The following L3MBTL4 variants were observed in gnomAD, a reference collection of about 807,000 sequenced individuals.
L3MBTL4 encodes L3MBTL histone methyl-lysine binding protein 4.
L3MBTL4 carries 70 observed loss-of-function variants against 84.5 expected under a neutral mutation model. That is an observed-to-expected ratio of 0.83 (90% CI 0.68 to 1.01). The LOEUF is 1.01. Among genes scored for constraint, L3MBTL4 ranks in the 50% least tolerant of loss-of-function variants. L3MBTL4 has a pLI of 0.00. For synonymous variants in L3MBTL4, 274 were observed against 259.8 expected, an observed-to-expected ratio of 1.05 and a Z score of -0.52; for missense variants, 715 against 754.8, an observed-to-expected ratio of 0.95 and a Z score of 0.62.
chr18:6,327,348 T>C (rs2051779236), intron 1 of L3MBTL4, among the ~76,000 whole-genome samples: 1 of 152,166 alleles, frequency 6.6e-6, no homozygotes, highest in Non-Finnish European at 1.5e-5. Flanking sequence ...ACAGGAAATA[T>C]ATGATAATAC....
intron 1 of L3MBTL4, among the ~76,000 whole-genome samples, chr18:6,362,176 A>AAAGG (rs1248423229): frequency 3.5e-4 from 42 of 118,322 alleles, no homozygotes; most frequent in African/African-American, 9.0e-4. Context: ...AGGAAAGAAG[A>AAAGG]AAGGAAGGAA....
chr18:6,245,579 G>A (rs2047626422), intron 5 of L3MBTL4, among the ~76,000 whole-genome samples: 2 of 149,850 alleles, frequency 1.3e-5, no homozygotes, highest in African/African-American at 5.0e-5. Flanking sequence ...AAGCTACATA[G>A]GTATTTTCCT....
Position 5,995,967 on chromosome 18 carries a change from T to C in L3MBTL4, c.1445-26405A>G, listed in dbSNP as rs79307987. Among the ~76,000 whole-genome samples the C allele has an allele frequency of 1.2e-3, 177 of 152,346 alleles. 4 individuals are homozygous for C. In the East Asian group the frequency reaches 0.029, roughly 25 times the overall value. Reference sequence around the variant, plus strand: ...TTATTAACCCTTTTCCAGTTTGCCCTGAGAATACTCACCAGCTGGAGGCGT... The same window carrying C: ...TTATTAACCCTTTTCCAGTTTGCCCCGAGAATACTCACCAGCTGGAGGCGT... On this transcript the variant is annotated intron_variant, in intron 16 of 18. Coordinates refer to ENST00000317931, the MANE Select transcript of L3MBTL4 (RefSeq NM_001330559.2).
intron 16 of L3MBTL4, among the ~76,000 whole-genome samples, chr18:6,021,104 T>G (rs1194812039): frequency 6.6e-6 from 1 of 152,220 alleles, no homozygotes; most frequent in Non-Finnish European, 1.5e-5. Context: ...GGGAATGGTC[T>G]CACCGGGCCC....
chr18:6,304,014 C>CAAAAAAAAAAAAAAAAAAAAAAA, intron 3 of L3MBTL4, among the ~76,000 whole-genome samples: 1 of 52,726 alleles, frequency 1.9e-5, no homozygotes, highest in South Asian at 6.2e-4. Flanking sequence ...AACTCCATCT[C>CAAAAAAAAAAAAAAAAAAAAAAA]AAAAAAAAAA....
At chr18:6,094,783 T>C (rs767839562) in intron 14 of L3MBTL4, among the ~76,000 whole-genome samples, 4 of 152,120 alleles carry the variant, frequency 2.6e-5, no homozygotes, top group Admixed American at 6.5e-5. Flanking sequence ...ATATGCATTC[T>C]AACCCCAAAA....
chr18:6,139,089 A>G (rs572119169), intron 13 of L3MBTL4, among the ~76,000 whole-genome samples: 2 of 152,256 alleles, frequency 1.3e-5, no homozygotes, highest in South Asian at 4.1e-4. Context: ...AGCTAGGCAA[A>G]GAAAGAACTG....
chr18:6,125,212 A>C (rs974517311), intron 14 of L3MBTL4, among the ~76,000 whole-genome samples: 1 of 152,026 alleles, frequency 6.6e-6, no homozygotes, highest in East Asian at 1.9e-4. Flanking sequence ...AGGGAGGGGA[A>C]AGGAAGGTCC....
chr18:6,093,585 C>A, intron 14 of L3MBTL4, 57 bp from the exon 15 acceptor site: 1 of 1,439,314 alleles, frequency 6.9e-7, no homozygotes, highest in Non-Finnish European at 9.3e-7. Flanking sequence ...AATCAGGGAT[C>A]CATTGTCATT....
chr18:6,084,708 A>G (rs1001588740), intron 15 of L3MBTL4, among the ~76,000 whole-genome samples: 1 of 152,202 alleles, frequency 6.6e-6, no homozygotes, highest in Non-Finnish European at 1.5e-5. Flanking sequence ...GATTCTACAC[A>G]AAGCAGACCA....
chr18:6,340,521 C>T (rs1385807332), intron 1 of L3MBTL4, among the ~76,000 whole-genome samples: 2 of 152,160 alleles, frequency 1.3e-5, no homozygotes, highest in African/African-American at 4.8e-5. Context: ...TCTTGCTAAC[C>T]AAGAATATTG....
intron 4 of L3MBTL4, among the ~76,000 whole-genome samples, chr18:6,283,128 T>C (rs951046764): frequency 6.6e-6 from 1 of 152,154 alleles, no homozygotes; most frequent in Non-Finnish European, 1.5e-5. Flanking sequence ...TTCTCATGCT[T>C]TCTGAAAGTT....
At chr18:6,070,445 AC>A (rs2057546908) in intron 16 of L3MBTL4, among the ~76,000 whole-genome samples, 1 of 151,870 alleles carries the variant, frequency 6.6e-6, no homozygotes, top group Non-Finnish European at 1.5e-5. Flanking sequence ...GAATTCTATA[AC>A]CTGTAAAAAT....
chr18:6,301,775 T>G (rs2050349414), intron 4 of L3MBTL4, 128 bp downstream of exon 4: 1 of 762,750 alleles, frequency 1.3e-6, no homozygotes, highest in Non-Finnish European at 2.3e-6. Flanking sequence ...TGCAATACCC[T>G]GAATAAATGG....
intron 12 of L3MBTL4, among the ~76,000 whole-genome samples, chr18:6,202,473 G>A (rs1262206385): frequency 6.6e-6 from 1 of 152,138 alleles, no homozygotes; most frequent in African/African-American, 2.4e-5. Context: ...TTTGGGTAGC[G>A]AAGATTGAGA....
intron 10 of L3MBTL4, among the ~76,000 whole-genome samples, chr18:6,223,481 T>C (rs577416224): frequency 6.6e-6 from 1 of 152,262 alleles, no homozygotes; most frequent in Non-Finnish European, 1.5e-5. Flanking sequence ...AAAAATGATG[T>C]AAAGTAAGTA....
At chr18:5,972,133 G>A (rs2052669299) in intron 16 of L3MBTL4, among the ~76,000 whole-genome samples, 2 of 152,182 alleles carry the variant, frequency 1.3e-5, no homozygotes, top group South Asian at 2.1e-4. Context: ...CCTACCTGGG[G>A]TTCAGAGTTT....
At chr18:6,071,803 A>AAGAAAGAAAGAAAGAG (rs879320759) in intron 16 of L3MBTL4, among the ~76,000 whole-genome samples, 3 of 119,484 alleles carry the variant, frequency 2.5e-5, no homozygotes, top group Non-Finnish European at 5.5e-5. Flanking sequence ...GAAAGAAAGA[A>AAGAAAGAAAGAAAGAG]AAAGAAAGAA....
intron 13 of L3MBTL4, among the ~76,000 whole-genome samples, chr18:6,170,074 C>A (rs569631453): frequency 6.6e-6 from 1 of 151,940 alleles, no homozygotes; most frequent in Admixed American, 6.6e-5. Context: ...TAAATTCATG[C>A]GATAGATATT....
Sources: gnomAD v4.1 joint callset for allele counts (sites outside exome capture counted in the v4.1 genomes callset) on GRCh38, gnomAD v4.1.1 for gene constraint, MANE v1.5 for transcripts, NCBI Gene and HGNC (gene_info 2026-07-23, HGNC 2026-07-21) for gene names.